The following XYLT1 variants were observed in gnomAD, a reference collection of about 807,000 sequenced individuals.
XYLT1 encodes beta-D-xylosyltransferase 1.
Under a neutral mutation model 91.3 loss-of-function variants are expected in XYLT1, and 36 were observed. The observed-to-expected ratio is 0.39, with a 90% CI of 0.30 to 0.52. The LOEUF is 0.52. Ranked by LOEUF, XYLT1 falls within the 20% of genes least tolerant of loss-of-function variation. The pLI, the probability that XYLT1 is intolerant of heterozygous loss-of-function variation, is 0.68. For missense variants in XYLT1, 1,242 were observed against 1,284.5 expected, an observed-to-expected ratio of 0.97 and a Z score of 0.51; for synonymous variants, 588 against 532.0, an observed-to-expected ratio of 1.11 and a Z score of -1.45.
intron 1 of XYLT1, among the ~76,000 whole-genome samples, chr16:17,466,493 A>T (rs919482758): frequency 2.0e-5 from 3 of 152,356 alleles, no homozygotes; most frequent in South Asian, 4.1e-4. Flanking sequence ...AACTCAAGCC[A>T]CCAAATTTCC....
At chr16:17,113,258 C>T (rs1317732528) in intron 11 of XYLT1, among the ~76,000 whole-genome samples, 1 of 152,166 alleles carries the variant, frequency 6.6e-6, no homozygotes, top group African/African-American at 2.4e-5. Context: ...TCTCATGCCT[C>T]AGCCTCCTGA....
intron 5 of XYLT1, among the ~76,000 whole-genome samples, chr16:17,195,728 G>A (rs1345906183): frequency 3.9e-5 from 6 of 152,094 alleles, no homozygotes; most frequent in Admixed American, 3.9e-4. Context: ...ACAGGTGTGA[G>A]CCACTGCACC....
intron 1 of XYLT1, among the ~76,000 whole-genome samples, chr16:17,410,645 CTTTTT>C (rs954524793): frequency 1.1e-5 from 1 of 93,036 alleles, no homozygotes. Context: ...CCTGTCATTA[CTTTTT>C]TTTTTTTTTT....
chr16:17,191,690 C>A (rs1386938517), intron 5 of XYLT1, among the ~76,000 whole-genome samples: 1 of 152,246 alleles, frequency 6.6e-6, no homozygotes. Flanking sequence ...CCCTGGCCAC[C>A]TGTTCCTGTC....
chr16:17,150,964 C>A (rs190114618), intron 6 of XYLT1, among the ~76,000 whole-genome samples: 46 of 152,208 alleles, frequency 3.0e-4, no homozygotes, highest in African/African-American at 1.1e-3. Flanking sequence ...CTGTGGCTGC[C>A]AAAGGAAGCT....
chr16:17,207,585 G>A (rs553704620), intron 3 of XYLT1, among the ~76,000 whole-genome samples: 15 of 152,300 alleles, frequency 9.8e-5, no homozygotes, highest in African/African-American at 3.6e-4. Context: ...TCAGGCCTGA[G>A]AGGTTGCCCA....
At position 17,145,919 on chromosome 16, in the gene XYLT1, T is replaced by C. The variant is rs116604037; in HGVS notation, c.1371-4550A>G. ...CTTCAGACTGGAGTTACCTGTCTCCTCGCAGGTAGCCTTTATTCTCACTAC... is the reference window on the plus strand; with the variant it reads ...CTTCAGACTGGAGTTACCTGTCTCCCCGCAGGTAGCCTTTATTCTCACTAC... On this transcript the variant is annotated intron_variant, in intron 6 of 11. Transcript: ENST00000261381. Among the ~76,000 whole-genome samples the C allele has an allele frequency of 5.1e-3, 781 of 152,358 alleles. 7 individuals carry two copies. The highest frequency in any genetic ancestry group is 0.017 in the African/African-American group (726 of 41,586).
Position 17,167,388 on chromosome 16 carries a change from T to C in XYLT1, c.1290-8479A>G, listed in dbSNP as rs367863178. On this transcript the variant is annotated intron_variant, in intron 5 of 11. Transcript: ENST00000261381. ...TGCTCCTGTAAAATCTGAAGTCCAG[T>C]AAGTTTCCTCCTCCCCCTGCCTCAT... is the stretch of plus-strand genomic sequence containing the variant. Among the ~76,000 whole-genome samples the C allele has an allele frequency of 2.8e-3, 434 of 152,368 alleles. 3 individuals are homozygous for C. The highest frequency in any genetic ancestry group is 9.8e-3 in the African/African-American group (408 of 41,592).
intron 3 of XYLT1, among the ~76,000 whole-genome samples, chr16:17,203,220 G>A (rs2032575370): frequency 6.7e-6 from 1 of 149,298 alleles, no homozygotes; most frequent in Non-Finnish European, 1.5e-5. Context: ...CAAATACTTT[G>A]TAAGTTAGTT....
chr16:17,277,039 A>G (rs1055219320), intron 2 of XYLT1, among the ~76,000 whole-genome samples: 4 of 152,214 alleles, frequency 2.6e-5, no homozygotes, highest in African/African-American at 9.6e-5. Flanking sequence ...AGTGCCAAGT[A>G]CATCTTAGGT....
intron 1 of XYLT1, among the ~76,000 whole-genome samples, chr16:17,371,000 G>C (rs1049373897): frequency 1.3e-5 from 2 of 152,146 alleles, no homozygotes; most frequent in African/African-American, 4.8e-5. Context: ...CTGGTTTAGT[G>C]GATCCTAAGC....
intron 1 of XYLT1, among the ~76,000 whole-genome samples, chr16:17,382,678 A>G (rs2035696305): frequency 6.6e-6 from 1 of 151,810 alleles, no homozygotes; most frequent in African/African-American, 2.4e-5. Flanking sequence ...ATGCCCCCTT[A>G]TCTACGTTTG....
At chr16:17,247,783 C>T (rs1596446801) in intron 3 of XYLT1, among the ~76,000 whole-genome samples, 1 of 152,140 alleles carries the variant, frequency 6.6e-6, no homozygotes, top group African/African-American at 2.4e-5. Context: ...TTGCTGGAGG[C>T]ACTGAGGATT....
intron 1 of XYLT1, among the ~76,000 whole-genome samples, chr16:17,393,185 G>C (rs2035841881): frequency 6.6e-6 from 1 of 152,186 alleles, no homozygotes; most frequent in Non-Finnish European, 1.5e-5. Context: ...TAAACTGATT[G>C]AGGCCTGTGG....
chr16:17,268,339 T>C (rs2033836609), intron 2 of XYLT1, among the ~76,000 whole-genome samples: 2 of 152,220 alleles, frequency 1.3e-5, no homozygotes, highest in Non-Finnish European at 2.9e-5. Context: ...ATTATGACTG[T>C]TTTTAAGTGA....
At chr16:17,375,726 T>G (rs2035591671) in intron 1 of XYLT1, among the ~76,000 whole-genome samples, 1 of 152,178 alleles carries the variant, frequency 6.6e-6, no homozygotes, top group Admixed American at 6.5e-5. Context: ...GCCCATCAGA[T>G]CAATCCCCAC....
chr16:17,440,128 T>A (rs901609993), intron 1 of XYLT1, among the ~76,000 whole-genome samples: 1 of 152,204 alleles, frequency 6.6e-6, no homozygotes, highest in African/African-American at 2.4e-5. Flanking sequence ...AGGAAGGAAC[T>A]GGGGCCCTTG....
chr16:17,133,018 C>T lies in XYLT1; in HGVS notation c.2027+1455G>A, dbSNP rs368124611. 1.6e-4 allele frequency among the ~76,000 whole-genome samples: 24 copies of T among 152,244 alleles called. No individual in the cohort carries two copies. The East Asian group carries it at 3.1e-3, about 20-fold the overall frequency. ...CTTCTCATTTCACAGATGAGGAAAC[C>T]GAAGCTCAGAGAGATGAATGACTTG... is the stretch of plus-strand genomic sequence containing the variant. On this transcript the variant is annotated intron_variant, in intron 9 of 11. Coordinates refer to ENST00000261381, the MANE Select transcript of XYLT1 (RefSeq NM_022166.4).
At chr16:17,237,891 T>C (rs1361049871) in intron 3 of XYLT1, among the ~76,000 whole-genome samples, 1 of 152,208 alleles carries the variant, frequency 6.6e-6, no homozygotes, top group African/African-American at 2.4e-5. Flanking sequence ...AGTATTAAAA[T>C]GGTCCAGGCG....
Sources: gnomAD v4.1 joint callset for allele counts (sites outside exome capture counted in the v4.1 genomes callset) on GRCh38, gnomAD v4.1.1 for gene constraint, MANE v1.5 for transcripts, NCBI Gene and HGNC (gene_info 2026-07-23, HGNC 2026-07-21) for gene names.